The following RDX variants were observed in gnomAD, a reference collection of about 807,000 sequenced individuals.
RDX encodes radixin.
In RDX, 32 loss-of-function variants were observed where a neutral mutation model predicts 83.7. The ratio of observed to expected loss-of-function variants is 0.38; its 90% CI spans 0.29 to 0.51. RDX has a LOEUF of 0.51. RDX is among the 20% of genes least tolerant of loss of function. The pLI is 0.87. For synonymous variants in RDX, 229 were observed against 222.7 expected, an observed-to-expected ratio of 1.03 and a Z score of -0.25; for missense variants, 600 against 689.9, an observed-to-expected ratio of 0.87 and a Z score of 1.46.
At position 110,217,162 on chromosome 11, in the gene RDX, CAG is replaced by C. The variant is rs542187783; in HGVS notation, c.1748+14709_1748+14710del. The stretch of plus-strand genomic sequence containing the variant: ...GGTAGCAACTTACATGCCACTTCCT[CAG>C]AGACTTTTTCTTACCTCCTGTCCTT... On this transcript the variant is annotated intron_variant, in intron 14 of 15. Transcript: ENST00000528498. 8.7e-3 allele frequency among the ~76,000 whole-genome samples: 1,327 copies of C among 152,328 alleles called. 10 individuals are homozygous for C. Among genetic ancestry groups the C allele is most frequent in the South Asian group, 0.016 (76 of 4,828 alleles).
intron 15 of RDX, among the ~76,000 whole-genome samples, chr11:110,178,505 C>A (rs1335257146): frequency 6.6e-6 from 1 of 152,186 alleles, no homozygotes; most frequent in Non-Finnish European, 1.5e-5. Context: ...AGATCACCGT[C>A]TAAGTCAGGG....
chr11:110,261,930 C>T (rs183660451), intron 5 of RDX, among the ~76,000 whole-genome samples: 1 of 152,212 alleles, frequency 6.6e-6, no homozygotes, highest in African/African-American at 2.4e-5. Flanking sequence ...AAGCCAATTA[C>T]TTCATCTGCT....
chr11:110,268,724 C>T (rs1450274228), intron 3 of RDX, among the ~76,000 whole-genome samples: 1 of 152,028 alleles, frequency 6.6e-6, no homozygotes, highest in Non-Finnish European at 1.5e-5. Context: ...CTAAAAGGCC[C>T]TGTCTCCCCA....
chr11:110,203,411 G>A, intron 14 of RDX, among the ~76,000 whole-genome samples: 1 of 112,548 alleles, frequency 8.9e-6, no homozygotes, highest in African/African-American at 3.6e-5. Flanking sequence ...ATTGTTAATG[G>A]GTAAAAAAAA....
rs993730482 is a variant in RDX, at chr11:110,203,415, A to T, written c.1749-3737T>A. On this transcript the variant is annotated intron_variant, in intron 14 of 15. Coordinates refer to the RDX transcript ENST00000528498. ...GGGAGGTGAGAATTGTTAATGGGTA[A>T]AAAAAAAAAAAAAAAAAGTAGAAAG... Among the ~76,000 whole-genome samples the T allele has an allele frequency of 1.6e-4, 7 of 44,910 alleles. No homozygotes were observed. In the East Asian group the frequency reaches 7.1e-3, roughly 46 times the overall value. The allele number at this position is 44,910 out of a possible 152,430, so 29.5% of individuals were successfully genotyped here.
At chr11:110,273,771 A>G (rs1436891616) in intron 2 of RDX, among the ~76,000 whole-genome samples, 1 of 152,086 alleles carries the variant, frequency 6.6e-6, no homozygotes, top group Non-Finnish European at 1.5e-5. Flanking sequence ...TAATTTTCCC[A>G]CACTTCATTT....
chr11:110,193,487 A>G (rs1297096381), intron 15 of RDX, among the ~76,000 whole-genome samples: 1 of 152,026 alleles, frequency 6.6e-6, no homozygotes, highest in Non-Finnish European at 1.5e-5. Flanking sequence ...AATTCATGTA[A>G]CAAACCTACA....
At chr11:110,178,996 A>G (rs1200078538) in intron 15 of RDX, among the ~76,000 whole-genome samples, 1 of 152,156 alleles carries the variant, frequency 6.6e-6, no homozygotes, top group African/African-American at 2.4e-5. Flanking sequence ...GGTCCCTGCA[A>G]ACAGGTAGTA....
At chr11:110,274,497 A>C (rs1260401158) in intron 2 of RDX, among the ~76,000 whole-genome samples, 1 of 152,124 alleles carries the variant, frequency 6.6e-6, no homozygotes, top group Non-Finnish European at 1.5e-5. Context: ...CACTTTACGA[A>C]AATTCATCAA....
rs753432248 is a variant in RDX at position 110,232,007 on chromosome 11, G to A, written c.1614C>T (p.Ala538=). Residue 538 remains alanine, a synonymous_variant, in exon 14 of 14, where the codon GCC becomes GCT. Transcript: ENST00000645495. ...LQALSSELAQ[A]RDETKKTQND... ...TTTGTGTTTTCTTGGTTTCATCTCT[G>A]GCTTGGGCTAATTCTGAACTTAATG... The A allele has an allele frequency of 6.2e-7, 1 of 1,613,718 alleles. No individual in the cohort carries two copies. The highest frequency in any genetic ancestry group is 8.5e-7 in the Non-Finnish European group (1 of 1,179,898).
chr11:110,242,579 C>T (rs867456802), intron 10 of RDX, among the ~76,000 whole-genome samples: 4 of 151,774 alleles, frequency 2.6e-5, no homozygotes, highest in African/African-American at 9.7e-5. Flanking sequence ...TTGAAACATT[C>T]CCCAATATTC....
At chr11:110,239,810 T>G in intron 10 of RDX, among the ~76,000 whole-genome samples, 1 of 148,904 alleles carries the variant, frequency 6.7e-6, no homozygotes, top group Non-Finnish European at 1.5e-5. Flanking sequence ...GAGGTGGAGG[T>G]TGCCTGGGTG....
chr11:110,288,115 A>G (rs1239451958), intron 1 of RDX, among the ~76,000 whole-genome samples: 1 of 152,344 alleles, frequency 6.6e-6, no homozygotes, highest in East Asian at 1.9e-4. Context: ...TAAGATATTA[A>G]GTCTTGCTCA....
intron 10 of RDX, among the ~76,000 whole-genome samples, chr11:110,239,940 C>G (rs1343909111): frequency 6.6e-6 from 1 of 151,818 alleles, no homozygotes; most frequent in Admixed American, 6.6e-5. Context: ...AGTAAGGCCG[C>G]TATGTAGAAC....
chr11:110,193,557 T>C (rs1863144288), intron 15 of RDX, among the ~76,000 whole-genome samples: 1 of 152,144 alleles, frequency 6.6e-6, no homozygotes, highest in African/African-American at 2.4e-5. Context: ...GAATAAACTA[T>C]TTTCTCCTCT....
intron 11 of RDX, among the ~76,000 whole-genome samples, chr11:110,236,927 C>G (rs1265334210): frequency 6.6e-6 from 1 of 152,044 alleles, no homozygotes; most frequent in African/African-American, 2.4e-5. Flanking sequence ...GCCATCATTC[C>G]TCTTTTCAAA....
intron 5 of RDX, among the ~76,000 whole-genome samples, chr11:110,262,985 G>C (rs937386611): frequency 6.6e-6 from 1 of 152,128 alleles, no homozygotes; most frequent in Admixed American, 6.5e-5. Context: ...CAGAAAGTCA[G>C]AAAATTCAGC....
intron 14 of RDX, among the ~76,000 whole-genome samples, chr11:110,214,840 G>T (rs1236980965): frequency 2.2e-4 from 26 of 117,166 alleles, no homozygotes; most frequent in Non-Finnish European, 3.7e-4. Context: ...GGGGACTGTT[G>T]TGGGGTGGGG....
At chr11:110,184,693 T>C (rs1591497590) in intron 15 of RDX, among the ~76,000 whole-genome samples, 1 of 152,016 alleles carries the variant, frequency 6.6e-6, no homozygotes, top group African/African-American at 2.4e-5. Flanking sequence ...GGAGGCGGGG[T>C]GTGCAGCGGG....
Sources: allele counts gnomAD v4.1 joint callset (sites outside exome capture counted in the v4.1 genomes callset), GRCh38; gene constraint gnomAD v4.1.1; transcripts MANE v1.5; gene names NCBI Gene and HGNC (gene_info 2026-07-23, HGNC 2026-07-21).